CNGA1: variants seen among roughly 807,000 people sequenced by gnomAD.
CNGA1 encodes cyclic nucleotide gated channel subunit alpha 1.
In CNGA1, 53 loss-of-function variants were observed where a neutral mutation model predicts 69.7. That is an observed-to-expected ratio of 0.76 (90% CI 0.61 to 0.96). The LOEUF is 0.96. Among genes scored for constraint, CNGA1 ranks in the 40% least tolerant of loss-of-function variants. CNGA1 has a pLI of 0.00. For synonymous variants in CNGA1, 249 were observed against 283.5 expected (o/e 0.88, Z 1.22); for missense variants, 739 against 811.2 (o/e 0.91, Z 1.08).
At chr4:47,947,082 C>T (rs1051912603) in intron 6 of CNGA1, among the ~76,000 whole-genome samples, 5 of 152,140 alleles carry the variant, frequency 3.3e-5, no homozygotes, top group East Asian at 1.9e-4. Context: ...CCACCATGCC[C>T]GGCCTTCAGT....
chr4:47,962,281 T>C (rs1740488046), intron 3 of CNGA1, among the ~76,000 whole-genome samples: 3 of 151,282 alleles, frequency 2.0e-5, no homozygotes, highest in Admixed American at 2.0e-4. Flanking sequence ...GAGTCGGAGG[T>C]TGCAGTGAGC....
chr4:48,008,157 G>A (rs1055899746), intron 2 of CNGA1, among the ~76,000 whole-genome samples: 4 of 150,822 alleles, frequency 2.7e-5, no homozygotes, highest in Admixed American at 6.6e-5. Context: ...TTTAACTACA[G>A]ACAACTTGAT....
intron 2 of CNGA1, among the ~76,000 whole-genome samples, chr4:47,991,015 T>C (rs1244019713): frequency 6.6e-6 from 1 of 152,320 alleles, no homozygotes; most frequent in South Asian, 2.1e-4. Flanking sequence ...ATTATATATA[T>C]ATACATGTAT....
intron 3 of CNGA1, among the ~76,000 whole-genome samples, chr4:47,957,461 G>A (rs996667429): frequency 6.6e-6 from 1 of 151,810 alleles, no homozygotes; most frequent in Non-Finnish European, 1.5e-5. Flanking sequence ...ATAAAAATAA[G>A]AATAAAATGT....
At chr4:47,952,727 G>T in intron 3 of CNGA1, 24 bp from the exon 4 acceptor site, 1 of 1,526,416 alleles carries the variant, frequency 6.6e-7, no homozygotes, top group Non-Finnish European at 8.9e-7. Flanking sequence ...AGTCTTATTA[G>T]TGGAAAGGCT....
At chr4:48,005,584 C>T (rs1714884769) in intron 2 of CNGA1, among the ~76,000 whole-genome samples, 1 of 152,120 alleles carries the variant, frequency 6.6e-6, no homozygotes, top group African/African-American at 2.4e-5. Flanking sequence ...CCATCAAATA[C>T]CTATGAGTTG....
intron 6 of CNGA1, among the ~76,000 whole-genome samples, chr4:47,946,448 C>G (rs1377418382): frequency 6.6e-6 from 1 of 152,180 alleles, no homozygotes; most frequent in Non-Finnish European, 1.5e-5. Context: ...ACTGTACACA[C>G]CTACACTCTT....
chr4:47,943,369 A>G lies in CNGA1; in HGVS notation c.329+2T>C. The G allele has an allele frequency of 1.3e-6, 2 of 1,528,078 alleles. No individual in the cohort carries two copies. Among genetic ancestry groups the G allele is most frequent in the Non-Finnish European group, 1.8e-6 (2 of 1,136,452 alleles). 94.7% of individuals were successfully genotyped at this position (1,528,078 alleles called of 1,614,324 possible). On this transcript the variant is annotated splice_donor_variant, in intron 7 of 10. Transcript: ENST00000514170. LOFTEE classifies it high-confidence loss of function. ...GTGGGGTAATTCTTGCCAAAGTCTT[A>G]CCTCTTCTTTTCTTTTTTCTTTTTC... is the stretch of plus-strand genomic sequence containing the variant.
rs189610747 is a variant in CNGA1, at chr4:47,942,539, C to A, written c.438-391G>T. On this transcript the variant is annotated intron_variant, in intron 8 of 10. Coordinates refer to ENST00000514170, the MANE Select transcript of CNGA1 (RefSeq NM_001379270.1). ...CTGCGATGCTGCAGTCAGTTGTATA[C>A]CTCAGCCACTGAGAGGGAATAGTGG... is the stretch of plus-strand genomic sequence containing the variant. 2.0e-4 allele frequency among the ~76,000 whole-genome samples: 31 copies of A among 152,262 alleles called. No homozygotes were observed. The East Asian group carries it at 5.8e-3, about 28-fold the overall frequency.
At chr4:48,013,243 G>T (rs546358436) in intron 1 of CNGA1, among the ~76,000 whole-genome samples, 1 of 152,308 alleles carries the variant, frequency 6.6e-6, no homozygotes, top group East Asian at 1.9e-4. Context: ...TCTCCACTCA[G>T]AATCCCTCTG....
At chr4:48,012,583 T>C (rs2109358291) in intron 1 of CNGA1, among the ~76,000 whole-genome samples, 1 of 104,696 alleles carries the variant, frequency 9.6e-6, no homozygotes, top group East Asian at 2.8e-4. Context: ...TTTTTTTTTT[T>C]TTTTTTTTAG....
chr4:47,993,385 G>A (rs1183039102), intron 2 of CNGA1, among the ~76,000 whole-genome samples: 1 of 151,964 alleles, frequency 6.6e-6, no homozygotes, highest in Non-Finnish European at 1.5e-5. Context: ...GTCTGTTCAG[G>A]TTATCTAATT....
intron 2 of CNGA1, among the ~76,000 whole-genome samples, chr4:47,998,866 A>G (rs1340291428): frequency 6.6e-6 from 1 of 152,224 alleles, no homozygotes; most frequent in African/African-American, 2.4e-5. Flanking sequence ...GTTAAAGGAT[A>G]CAGTACCCCC....
rs1742253586 is a variant in CNGA1 at position 47,991,278 on chromosome 4, G to A, written c.-122-9778C>T. On this transcript the variant is annotated intron_variant, in intron 2 of 10. Transcript: ENST00000514170. ...GCACTAATTTACATTCCCACCAGCA[G>A]TGTAGAAATGTTCCCTCTTCACCGC... is the stretch of plus-strand genomic sequence containing the variant. Among the ~76,000 whole-genome samples, 3 of 152,176 alleles carry A rather than the reference G, an allele frequency of 2.0e-5. No homozygotes were observed. In the South Asian group the frequency reaches 6.2e-4, roughly 31 times the overall value.
intron 3 of CNGA1, among the ~76,000 whole-genome samples, chr4:47,966,817 A>G (rs1740748443): frequency 6.6e-6 from 1 of 152,240 alleles, no homozygotes; most frequent in Non-Finnish European, 1.5e-5. Context: ...AAAAGTAATC[A>G]ATAAGATTCA....
chr4:47,951,176 A>G (rs970230220), intron 5 of CNGA1, among the ~76,000 whole-genome samples, 177 bp downstream of exon 5: 17 of 152,224 alleles, frequency 1.1e-4, no homozygotes, highest in African/African-American at 4.1e-4. Flanking sequence ...CCGAAACAAC[A>G]GTTTACAAAC....
intron 2 of CNGA1, among the ~76,000 whole-genome samples, chr4:47,981,986 T>A (rs962691495): frequency 1.3e-5 from 2 of 152,200 alleles, no homozygotes; most frequent in Admixed American, 1.3e-4. Context: ...TATGGAGGAA[T>A]TGCATATTTG....
At chr4:47,937,977 A>C in intron 10 of CNGA1, 148 bp from the exon 11 acceptor site, 1 of 665,152 alleles carries the variant, frequency 1.5e-6, no homozygotes, top group Non-Finnish European at 2.6e-6. Flanking sequence ...AAATACAAAT[A>C]CTAATAAACC....
At chr4:47,984,116 T>C (rs1194484955) in intron 2 of CNGA1, among the ~76,000 whole-genome samples, 1 of 152,166 alleles carries the variant, frequency 6.6e-6, no homozygotes, top group Non-Finnish European at 1.5e-5. Context: ...ATCTGGAAGG[T>C]AAAAACATGG....
Sources: allele counts gnomAD v4.1 joint callset (sites outside exome capture counted in the v4.1 genomes callset), GRCh38; gene constraint gnomAD v4.1.1; transcripts MANE v1.5; gene names NCBI Gene and HGNC (gene_info 2026-07-23, HGNC 2026-07-21).